Variants in TMCC3 observed in about 807,000 individuals in gnomAD.
TMCC3 encodes transmembrane and coiled-coil domain family 3, also known as transmembrane and coiled-coil domain protein 3.
TMCC3 carries 28 observed loss-of-function variants against 40.2 expected under a neutral mutation model. The ratio of observed to expected loss-of-function variants is 0.70; its 90% CI spans 0.52 to 0.95. The LOEUF is 0.95. Ranked by LOEUF, TMCC3 falls within the 40% of genes least tolerant of loss-of-function variation. The pLI is 0.00. For missense variants in TMCC3, 554 were observed against 615.2 expected (o/e 0.90, Z 1.05); for synonymous variants, 255 against 248.5 (o/e 1.03, Z -0.25).
At position 94,581,998 on chromosome 12, in the gene TMCC3, C is replaced by T; in HGVS notation, c.619G>A (p.Ala207Thr). ...CCAAACTTATTCCGGATCAGGTTGG[C>T]AAACTCTCTGGACTTATTGAAAACG... The part of the protein sequence containing the change: ...VFVFNKSREF[A>T]NLIRNKFGSA... The change falls in exon 2 of 4, where the codon GCC (alanine) becomes ACC (threonine). Residue 207 changes from alanine to threonine, a missense_variant. Physicochemically the swap from Ala to Thr is moderately conservative, Grantham distance 58. Transcript: ENST00000261226. 1.2e-6 allele frequency: 2 copies of T among 1,614,216 alleles called. No homozygotes were observed. Among genetic ancestry groups the T allele is most frequent in the Non-Finnish European group, 1.7e-6 (2 of 1,180,038 alleles).
intron 1 of TMCC3, among the ~76,000 whole-genome samples, chr12:94,648,269 C>T (rs1288811220): frequency 1.3e-5 from 2 of 150,402 alleles, no homozygotes; most frequent in East Asian, 1.9e-4. Flanking sequence ...GACAGAGTCT[C>T]GCTCTGTGCC....
intron 1 of TMCC3, among the ~76,000 whole-genome samples, chr12:94,620,759 T>A (rs982184219): frequency 6.6e-6 from 1 of 152,206 alleles, no homozygotes; most frequent in Admixed American, 6.5e-5. Flanking sequence ...AGACCAGATA[T>A]ACATTAGAAT....
intron 1 of TMCC3, among the ~76,000 whole-genome samples, chr12:94,632,133 G>C (rs917443840): frequency 3.9e-5 from 6 of 152,206 alleles, no homozygotes; most frequent in Admixed American, 2.0e-4. Flanking sequence ...ATCAGTAACT[G>C]TCAGGTGCTA....
chr12:94,614,146 A>ATG (rs993779917), intron 1 of TMCC3, among the ~76,000 whole-genome samples: 1 of 151,850 alleles, frequency 6.6e-6, no homozygotes, highest in African/African-American at 2.4e-5. Flanking sequence ...GTAAAATAAA[A>ATG]TGTGTGTGTG....
intron 3 of TMCC3, among the ~76,000 whole-genome samples, chr12:94,574,694 A>G (rs1318935815): frequency 1.3e-5 from 2 of 152,232 alleles, no homozygotes; most frequent in African/African-American, 2.4e-5. Context: ...CAGATCTTAC[A>G]TTCTAGAAAG....
intron 1 of TMCC3, among the ~76,000 whole-genome samples, chr12:94,596,969 T>C (rs73375840): frequency 0.025 from 3,775 of 151,744 alleles, 140 homozygotes; most frequent in African/African-American, 0.086. Flanking sequence ...AAGCAGAATA[T>C]AGGTAATCAA....
At chr12:94,631,608 G>A (rs1366060144) in intron 1 of TMCC3, among the ~76,000 whole-genome samples, 1 of 152,114 alleles carries the variant, frequency 6.6e-6, no homozygotes, top group African/African-American at 2.4e-5. Flanking sequence ...CTCCAGAACT[G>A]CATGAAAATA....
At chr12:94,591,183 T>C in intron 1 of TMCC3, 1 of 260,950 alleles carries the variant, frequency 3.8e-6, no homozygotes, top group Non-Finnish European at 7.6e-6. Flanking sequence ...TTTCTAAATG[T>C]ACAAGGCATT....
chr12:94,618,650 C>T (rs1003741222), intron 1 of TMCC3, among the ~76,000 whole-genome samples: 10 of 152,086 alleles, frequency 6.6e-5, no homozygotes, highest in Non-Finnish European at 1.0e-4. Context: ...CCCCAAGGGC[C>T]GAGGAAGAAC....
intron 1 of TMCC3, among the ~76,000 whole-genome samples, chr12:94,590,285 T>C (rs1193046642): frequency 1.4e-5 from 2 of 145,636 alleles, no homozygotes; most frequent in African/African-American, 2.5e-5. Context: ...TTTTTTTTTT[T>C]AGAAGAGATG....
intron 1 of TMCC3, among the ~76,000 whole-genome samples, chr12:94,583,221 G>A (rs1341660553): frequency 6.0e-5 from 9 of 149,528 alleles, no homozygotes; most frequent in Admixed American, 4.7e-4. Context: ...GGGGCGTGGC[G>A]CTGCTGGGCG....
intron 2 of TMCC3, among the ~76,000 whole-genome samples, 166 bp downstream of exon 2, chr12:94,581,454 ATC>A (rs995679170): frequency 6.6e-6 from 1 of 152,142 alleles, no homozygotes; most frequent in Non-Finnish European, 1.5e-5. Context: ...ATTTCAAGCA[ATC>A]TCTCTGCAGT....
At chr12:94,644,196 T>A (rs2069005828) in intron 1 of TMCC3, among the ~76,000 whole-genome samples, 1 of 152,188 alleles carries the variant, frequency 6.6e-6, no homozygotes, top group African/African-American at 2.4e-5. Context: ...ATCCTGATGT[T>A]CTCTTTCGAA....
intron 1 of TMCC3, among the ~76,000 whole-genome samples, chr12:94,602,418 A>C (rs185579157): frequency 2.3e-4 from 35 of 152,362 alleles, no homozygotes; most frequent in African/African-American, 8.2e-4. Flanking sequence ...TAAAGCTGAA[A>C]GTACCATAGC....
At chr12:94,577,929 T>C (rs895905524) in intron 3 of TMCC3, among the ~76,000 whole-genome samples, 3 of 151,816 alleles carry the variant, frequency 2.0e-5, no homozygotes, top group African/African-American at 4.8e-5. Context: ...GGCAGATCAC[T>C]TGAGGTCAGG....
At chr12:94,641,152 A>G (rs1458104398) in intron 1 of TMCC3, among the ~76,000 whole-genome samples, 3 of 151,508 alleles carry the variant, frequency 2.0e-5, no homozygotes, top group Non-Finnish European at 2.9e-5. Context: ...GTCAGCCAAG[A>G]TGGCACCACT....
chr12:94,580,734 TCAAACAAACAAA>T (rs113927274), intron 2 of TMCC3, among the ~76,000 whole-genome samples: 2 of 151,804 alleles, frequency 1.3e-5, no homozygotes, highest in Admixed American at 6.6e-5. Flanking sequence ...AAACTCCATC[TCAAACAAACAAA>T]CAAACAAACA....
chr12:94,590,859 T>G, intron 1 of TMCC3: 1 of 556,920 alleles, frequency 1.8e-6, no homozygotes, highest in Non-Finnish European at 3.5e-6. Context: ...CTACCAACAC[T>G]GGAGAGGAGC....
chr12:94,586,406 C>T lies in TMCC3; in HGVS notation c.79-3868G>A, dbSNP rs75094669. The stretch of plus-strand genomic sequence containing the variant: ...CACCTCCAGGGGCAACCATGATCCT[C>T]ACTTCAAACCGCATACATTAGTTTT... On this transcript the variant is annotated intron_variant, in intron 1 of 3. Coordinates refer to ENST00000261226, the MANE Select transcript of TMCC3 (RefSeq NM_020698.4). Among the ~76,000 whole-genome samples, 328 of 152,336 alleles carry T rather than the reference C, an allele frequency of 2.2e-3. 3 individuals are homozygous for T. Among genetic ancestry groups the T allele is most frequent in the African/African-American group, 7.6e-3 (317 of 41,578 alleles).
Sources: allele counts gnomAD v4.1 joint callset (sites outside exome capture counted in the v4.1 genomes callset), GRCh38; gene constraint gnomAD v4.1.1; transcripts MANE v1.5; gene names NCBI Gene and HGNC (gene_info 2026-07-23, HGNC 2026-07-21).